The following MSI2 variants were observed in gnomAD, a reference collection of about 807,000 sequenced individuals.
The protein encoded by MSI2 is musashi RNA binding protein 2, also known as RNA-binding protein Musashi homolog 2.
A neutral mutation model predicts 45.6 loss-of-function variants in MSI2; 17 were observed. The observed-to-expected ratio is 0.37, with a 90% CI of 0.26 to 0.56. MSI2 has a LOEUF of 0.56. Ranked by LOEUF, MSI2 falls within the 20% of genes least tolerant of loss-of-function variation. MSI2 has a pLI of 0.77. For missense variants in MSI2, 293 were observed against 444.2 expected, an observed-to-expected ratio of 0.66 and a Z score of 3.06; for synonymous variants, 156 against 158.2, an observed-to-expected ratio of 0.99 and a Z score of 0.11.
intron 6 of MSI2, among the ~76,000 whole-genome samples, chr17:57,414,268 A>T (rs967545681): frequency 2.0e-5 from 3 of 152,218 alleles, no homozygotes; most frequent in African/African-American, 7.2e-5. Context: ...TAGCACCAGG[A>T]CTGGCCTATG....
At chr17:57,487,857 C>T (rs542108194) in intron 6 of MSI2, among the ~76,000 whole-genome samples, 84 of 151,768 alleles carry the variant, frequency 5.5e-4, no homozygotes, top group Non-Finnish European at 9.1e-4. Context: ...CTCCCCTACC[C>T]GGTCTATTGG....
intron 9 of MSI2, among the ~76,000 whole-genome samples, chr17:57,619,419 T>C (rs977757051): frequency 5.9e-5 from 9 of 151,842 alleles, no homozygotes; most frequent in African/African-American, 2.2e-4. Context: ...CATCATAGAG[T>C]CTGGGGGTGG....
intron 6 of MSI2, among the ~76,000 whole-genome samples, chr17:57,464,718 C>G (rs1398532245): frequency 6.6e-6 from 1 of 152,194 alleles, no homozygotes; most frequent in Non-Finnish European, 1.5e-5. Context: ...CCTGAGAGTT[C>G]CTGGTAGGCC....
intron 6 of MSI2, among the ~76,000 whole-genome samples, chr17:57,508,681 G>A (rs1017252546): frequency 2.6e-5 from 4 of 152,180 alleles, no homozygotes; most frequent in Non-Finnish European, 5.9e-5. Context: ...CAGATGTGTG[G>A]GATTGGCAAG....
chr17:57,696,962 C>T, the MSI2 span, among the ~76,000 whole-genome samples: 1 of 152,106 alleles, frequency 6.6e-6, no homozygotes, highest in African/African-American at 2.4e-5. Context: ...TAATACACAG[C>T]ATGATGAGCT....
At chr17:57,576,475 G>C (rs938320225) in intron 7 of MSI2, among the ~76,000 whole-genome samples, 2 of 152,188 alleles carry the variant, frequency 1.3e-5, no homozygotes, top group African/African-American at 4.8e-5. Flanking sequence ...ATCCATGTTG[G>C]CTGGGTGCAG....
At chr17:57,553,140 A>C (rs967427608) in intron 7 of MSI2, among the ~76,000 whole-genome samples, 1 of 150,712 alleles carries the variant, frequency 6.6e-6, no homozygotes, top group African/African-American at 2.5e-5. Flanking sequence ...CCATCCCCGC[A>C]GCTAGAGCAT....
Position 57,681,807 on chromosome 17 carries a change from ATAAG to A in MSI2, c.*2292_*2295del. The A allele has an allele frequency of 6.8e-6, 1 of 146,874 alleles. No homozygotes were observed. Among genetic ancestry groups the A allele is most frequent in the Non-Finnish European group, 1.4e-5 (1 of 71,372 alleles). The allele number at this position is 146,874 out of a possible 1,614,324, so 9.1% of individuals were successfully genotyped here. A position where few individuals can be genotyped will look rare whatever the true frequency, so the allele number is the denominator to read the frequency against. On this transcript the variant is annotated 3_prime_UTR_variant, in exon 14 of 14. Transcript: ENST00000284073. ...TGTTCAAGTCATAAAACAACAAAAC[ATAAG>A]TTTTATTTAAAAAAAAAAAAAGAAA...
At chr17:57,622,715 A>T (rs1474661478) in intron 9 of MSI2, among the ~76,000 whole-genome samples, 1 of 152,192 alleles carries the variant, frequency 6.6e-6, no homozygotes, top group Non-Finnish European at 1.5e-5. Context: ...GCGTTCACTA[A>T]CAGATCAAAA....
intron 7 of MSI2, among the ~76,000 whole-genome samples, chr17:57,545,172 C>A (rs1048359286): frequency 1.3e-5 from 2 of 152,002 alleles, no homozygotes; most frequent in Admixed American, 6.6e-5. Context: ...GAGGCCCCCC[C>A]GTTTTTTAAG....
intron 5 of MSI2, among the ~76,000 whole-genome samples, chr17:57,345,672 A>G (rs756145443): frequency 1.3e-5 from 2 of 151,860 alleles, no homozygotes; most frequent in Non-Finnish European, 2.9e-5. Flanking sequence ...TATAAAAATT[A>G]CCCGGGTGTG....
At chr17:57,634,513 G>A (rs916042795) in intron 10 of MSI2, among the ~76,000 whole-genome samples, 1 of 152,068 alleles carries the variant, frequency 6.6e-6, no homozygotes, top group Non-Finnish European at 1.5e-5. Flanking sequence ...AAGGGTGCAA[G>A]GGTGGGCTGC....
intron 6 of MSI2, among the ~76,000 whole-genome samples, chr17:57,500,150 C>T (rs2086071189): frequency 6.6e-6 from 1 of 152,104 alleles, no homozygotes; most frequent in South Asian, 2.1e-4. Flanking sequence ...CAGACACGCT[C>T]AGGACGGGTA....
chr17:57,414,038 G>A (rs1567809931), intron 6 of MSI2, among the ~76,000 whole-genome samples: 1 of 150,982 alleles, frequency 6.6e-6, no homozygotes, highest in Non-Finnish European at 1.5e-5. Context: ...AACAAGCATG[G>A]GGTGTGGGTG....
rs1326648470 is a variant in MSI2 at position 57,681,186 on chromosome 17, T to C, written c.*1669T>C. ...GCACATGTTTAACATTTGGCTGTTATAATATATGGTCCTCGGTTGGGGAAA... is the reference window on the plus strand; with the variant it reads ...GCACATGTTTAACATTTGGCTGTTACAATATATGGTCCTCGGTTGGGGAAA... On this transcript the variant is annotated 3_prime_UTR_variant, in exon 14 of 14. Coordinates refer to ENST00000284073, the MANE Select transcript of MSI2 (RefSeq NM_138962.4). The C allele has an allele frequency of 1.6e-5, 3 of 185,930 alleles. No individual in the cohort carries two copies. The highest frequency in any genetic ancestry group is 7.0e-5 in the African/African-American group (3 of 42,710). The allele number at this position is 185,930 out of a possible 1,614,324, so 11.5% of individuals were successfully genotyped here.
chr17:57,421,505 T>C (rs2084395533), intron 6 of MSI2, among the ~76,000 whole-genome samples: 1 of 151,900 alleles, frequency 6.6e-6, no homozygotes, highest in South Asian at 2.1e-4. Context: ...GGACTTCCTC[T>C]CTGCCTCTCT....
intron 7 of MSI2, among the ~76,000 whole-genome samples, chr17:57,592,655 G>A (rs1904944873): frequency 6.6e-6 from 1 of 152,162 alleles, no homozygotes; most frequent in African/African-American, 2.4e-5. Flanking sequence ...CCTTTAATCA[G>A]GAAAATCATT....
rs76376019 is a variant in MSI2 at position 57,564,488 on chromosome 17, G to C, written c.455-32380G>C. ...GCCTGGAAACCACCAGTAAGCACAC[G>C]AGGTTGGGGTGATGATGATGGTGAG... is the stretch of plus-strand genomic sequence containing the variant. On this transcript the variant is annotated intron_variant, in intron 7 of 13. Coordinates refer to ENST00000284073, the MANE Select transcript of MSI2 (RefSeq NM_138962.4). Among the ~76,000 whole-genome samples the C allele has an allele frequency of 6.0e-3, 910 of 152,290 alleles. 5 individuals carry two copies. The highest frequency in any genetic ancestry group is 0.021 in the African/African-American group (868 of 41,552).
At chr17:57,440,413 C>CGTGTGT (rs71139995) in intron 6 of MSI2, among the ~76,000 whole-genome samples, 13,023 of 104,446 alleles carry the variant, frequency 0.12, 1,492 homozygotes, top group Middle Eastern at 0.15. Context: ...GTTTGTTATC[C>CGTGTGT]GTGTGTGTGT....
Sources: allele counts gnomAD v4.1 joint callset (sites outside exome capture counted in the v4.1 genomes callset), GRCh38; gene constraint gnomAD v4.1.1; transcripts MANE v1.5; gene names NCBI Gene and HGNC (gene_info 2026-07-23, HGNC 2026-07-21).